Variants in PTPRK observed in about 807,000 individuals in gnomAD.
PTPRK encodes the protein receptor-type tyrosine-protein phosphatase kappa.
In PTPRK, 75 loss-of-function variants were observed where a neutral mutation model predicts 178.0. That is an observed-to-expected ratio of 0.42 (90% CI 0.35 to 0.51). PTPRK has a LOEUF of 0.51. Among genes scored for constraint, PTPRK ranks in the 20% least tolerant of loss-of-function variants. The pLI, the probability that PTPRK is intolerant of heterozygous loss-of-function variation, is 0.02. For missense variants in PTPRK, 1,441 were observed against 1,797.8 expected, an observed-to-expected ratio of 0.80 and a Z score of 3.59; for synonymous variants, 637 against 620.6, an observed-to-expected ratio of 1.03 and a Z score of -0.39.
In PTPRK at chr6:128,083,837, T is replaced by C. The variant is rs2115004261; in HGVS notation, c.1466-13A>G. On this transcript the variant is annotated splice_polypyrimidine_tract_variant and intron_variant, in intron 8 of 29. Transcript: ENST00000368226. ...ACGGGACCAGGCACTACAAAACACA[T>C]GAATTTTTTGTTATGAAAATGCTTA... 1 of 1,460,120 alleles carries C rather than the reference T, an allele frequency of 6.8e-7. No homozygotes were observed. The highest frequency in any genetic ancestry group is 9.3e-7 in the Non-Finnish European group (1 of 1,075,554). 90.4% of individuals were successfully genotyped at this position (1,460,120 alleles called of 1,614,324 possible).
At chr6:128,307,331 C>A (rs1826558572) in intron 3 of PTPRK, among the ~76,000 whole-genome samples, 1 of 150,630 alleles carries the variant, frequency 6.6e-6, no homozygotes, top group South Asian at 2.1e-4. Context: ...TATATAAAAT[C>A]AAACCCAAAG....
At chr6:128,341,526 C>A (rs1031575771) in intron 2 of PTPRK, among the ~76,000 whole-genome samples, 2 of 151,988 alleles carry the variant, frequency 1.3e-5, no homozygotes, top group Non-Finnish European at 2.9e-5. Context: ...GAAAGAAAAT[C>A]CATAATTTTA....
chr6:128,389,402 T>C (rs560062322), intron 2 of PTPRK, among the ~76,000 whole-genome samples: 1 of 41,322 alleles, frequency 2.4e-5, no homozygotes, highest in Non-Finnish European at 1.1e-4. Flanking sequence ...GGTTTTTTTT[T>C]GTTTTTTTTT....
intron 6 of PTPRK, among the ~76,000 whole-genome samples, chr6:128,188,519 TTTTA>T (rs145444850): frequency 0.01 from 1,544 of 152,290 alleles, 18 homozygotes; most frequent in African/African-American, 0.035. Context: ...TTCCTAAGGG[TTTTA>T]TTTGTCAATG....
chr6:128,165,950 A>G (rs190772892), intron 7 of PTPRK, among the ~76,000 whole-genome samples: 14 of 151,824 alleles, frequency 9.2e-5, no homozygotes, highest in Admixed American at 5.9e-4. Context: ...AAAATTCTGC[A>G]TGACAGAAGA....
chr6:128,503,842 TTGTGTGTGTGTGTGTGTG>T (rs57723685), intron 1 of PTPRK, among the ~76,000 whole-genome samples: 120 of 139,972 alleles, frequency 8.6e-4, no homozygotes, highest in African/African-American at 3.0e-3. Context: ...CTGGTTATTA[TTGTGTGTGTGTGTGTGTG>T]TGTGTGTGTG....
At chr6:128,299,503 G>A (rs1294544569) in intron 3 of PTPRK, among the ~76,000 whole-genome samples, 1 of 151,650 alleles carries the variant, frequency 6.6e-6, no homozygotes, top group African/African-American at 2.4e-5. Context: ...AAAACAGCAT[G>A]GTACTGGTAC....
intron 13 of PTPRK, among the ~76,000 whole-genome samples, chr6:128,053,354 T>C (rs537176411): frequency 6.6e-6 from 1 of 152,130 alleles, no homozygotes; most frequent in Non-Finnish European, 1.5e-5. Flanking sequence ...TGCCTGGAAG[T>C]TCACACACCT....
intron 2 of PTPRK, among the ~76,000 whole-genome samples, chr6:128,390,753 TCACTC>T (rs1839432065): frequency 6.6e-6 from 1 of 152,158 alleles, no homozygotes; most frequent in African/African-American, 2.4e-5. Context: ...GTTAAGATAT[TCACTC>T]CACTTATCTC....
At chr6:128,217,620 T>C (rs1275375266) in intron 6 of PTPRK, among the ~76,000 whole-genome samples, 2 of 152,206 alleles carry the variant, frequency 1.3e-5, no homozygotes, top group South Asian at 2.1e-4. Context: ...GAATAATATA[T>C]GTAAAAGATA....
At chr6:128,391,374 C>T (rs1169092166) in intron 2 of PTPRK, among the ~76,000 whole-genome samples, 1 of 152,148 alleles carries the variant, frequency 6.6e-6, no homozygotes, top group Non-Finnish European at 1.5e-5. Context: ...GTTGTGTTAA[C>T]AGACAATGCT....
At chr6:128,236,990 T>G (rs193299209) in intron 5 of PTPRK, among the ~76,000 whole-genome samples, 1 of 152,294 alleles carries the variant, frequency 6.6e-6, no homozygotes, top group East Asian at 1.9e-4. Flanking sequence ...TTGTATATTA[T>G]TTTAGACAAC....
At chr6:128,317,091 G>A (rs554050667) in intron 3 of PTPRK, among the ~76,000 whole-genome samples, 5 of 152,152 alleles carry the variant, frequency 3.3e-5, no homozygotes, top group South Asian at 2.1e-4. Context: ...TCCTGTTGCC[G>A]TAACTAAAAT....
At chr6:127,995,105 A>G in intron 18 of PTPRK, 1 of 795,998 alleles carries the variant, frequency 1.3e-6, no homozygotes, top group Non-Finnish European at 2.0e-6. Context: ...GAATTACAAA[A>G]AAACGAACAG....
chr6:128,343,534 A>G (rs932903443), intron 2 of PTPRK, among the ~76,000 whole-genome samples: 3 of 151,756 alleles, frequency 2.0e-5, no homozygotes, highest in Non-Finnish European at 4.4e-5. Context: ...AAAAGAATCA[A>G]TATTTTCATC....
intron 7 of PTPRK, among the ~76,000 whole-genome samples, chr6:128,101,508 T>G (rs1422996130): frequency 6.6e-6 from 1 of 152,100 alleles, no homozygotes; most frequent in African/African-American, 2.4e-5. Context: ...CTATGTCTTT[T>G]TCTTTCATTC....
chr6:128,114,900 C>G (rs551319352), intron 7 of PTPRK, among the ~76,000 whole-genome samples: 4 of 152,012 alleles, frequency 2.6e-5, no homozygotes, highest in African/African-American at 9.6e-5. Context: ...TTTATGTCAA[C>G]TTGTGCTATA....
At chr6:128,311,728 G>A (rs746520582) in intron 3 of PTPRK, among the ~76,000 whole-genome samples, 9 of 152,008 alleles carry the variant, frequency 5.9e-5, no homozygotes, top group Non-Finnish European at 1.3e-4. Flanking sequence ...TAGAACTCCT[G>A]GGTTCAAGCG....
chr6:128,149,059 C>T (rs1330936672), intron 7 of PTPRK, among the ~76,000 whole-genome samples: 2 of 151,288 alleles, frequency 1.3e-5, no homozygotes, highest in African/African-American at 4.9e-5. Context: ...GAACCATGAA[C>T]CAAATCAGTC....
Sources: gnomAD v4.1 joint callset for allele counts (sites outside exome capture counted in the v4.1 genomes callset) on GRCh38, gnomAD v4.1.1 for gene constraint, MANE v1.5 for transcripts, NCBI Gene and HGNC (gene_info 2026-07-23, HGNC 2026-07-21) for gene names.